The following ERBB4 variants were observed in gnomAD, a reference collection of about 807,000 sequenced individuals.
ERBB4 encodes erb-b2 receptor tyrosine kinase 4, also known as receptor tyrosine-protein kinase erbB-4.
ERBB4 carries 42 observed loss-of-function variants against 158.0 expected under a neutral mutation model. That is an observed-to-expected ratio of 0.27 (90% confidence interval 0.21 to 0.34). The LOEUF is 0.34. Ranked by LOEUF, ERBB4 falls within the 10% of genes least tolerant of loss-of-function variation. The probability of loss-of-function intolerance (pLI) is 1.00; values close to 1 mark genes in which losing one functional copy is unlikely to be tolerated. For missense variants in ERBB4, 1,333 were observed against 1,624.1 expected, an observed-to-expected ratio of 0.82 and a Z score of 3.08; for synonymous variants, 583 against 558.7, an observed-to-expected ratio of 1.04 and a Z score of -0.61.
chr2:211,576,938 G>A (rs1296022979), intron 19 of ERBB4, among the ~76,000 whole-genome samples: 1 of 151,994 alleles, frequency 6.6e-6, no homozygotes, highest in East Asian at 1.9e-4. Context: ...GAGGAGAAAG[G>A]GGTGTGGATG....
At chr2:212,275,596 G>A (rs981073388) in intron 1 of ERBB4, among the ~76,000 whole-genome samples, 8 of 151,734 alleles carry the variant, frequency 5.3e-5, no homozygotes, top group Non-Finnish European at 1.0e-4. Flanking sequence ...AAGAGAAGGA[G>A]AAATAAAATT....
chr2:211,880,193 A>G (rs2078624573), intron 3 of ERBB4, among the ~76,000 whole-genome samples: 1 of 152,090 alleles, frequency 6.6e-6, no homozygotes, highest in African/African-American at 2.4e-5. Context: ...CCTCTTTCCA[A>G]TTCTACCTAT....
At chr2:211,588,233 T>C (rs1479194851) in intron 19 of ERBB4, among the ~76,000 whole-genome samples, 1 of 152,180 alleles carries the variant, frequency 6.6e-6, no homozygotes, top group African/African-American at 2.4e-5. Flanking sequence ...TGGTTCATTC[T>C]GGAGGGATGT....
chr2:211,861,630 G>A (rs1266276121), intron 3 of ERBB4, among the ~76,000 whole-genome samples: 1 of 151,934 alleles, frequency 6.6e-6, no homozygotes. Flanking sequence ...TCTCTCACAG[G>A]TGATACATGC....
At chr2:212,521,314 T>C (rs1692147634) in intron 1 of ERBB4, among the ~76,000 whole-genome samples, 1 of 151,642 alleles carries the variant, frequency 6.6e-6, no homozygotes, top group African/African-American at 2.4e-5. Flanking sequence ...AAACAGAATA[T>C]GAAGAAAAAA....
At chr2:212,125,265 C>G in intron 1 of ERBB4, 1 of 189,330 alleles carries the variant, frequency 5.3e-6, no homozygotes, top group South Asian at 9.6e-5. Context: ...TTGGGTAATT[C>G]TACAAATGTA....
intron 3 of ERBB4, among the ~76,000 whole-genome samples, chr2:211,853,686 A>G (rs2077776505): frequency 6.6e-6 from 1 of 152,052 alleles, no homozygotes; most frequent in African/African-American, 2.4e-5. Flanking sequence ...CCTTATTCCA[A>G]AGCATACACA....
intron 3 of ERBB4, among the ~76,000 whole-genome samples, chr2:211,854,291 T>C (rs1292357321): frequency 1.4e-5 from 2 of 146,932 alleles, no homozygotes; most frequent in Non-Finnish European, 3.0e-5. Flanking sequence ...CATATTATCA[T>C]ATGTGTAGTT....
chr2:212,433,130 C>T lies in ERBB4; in HGVS notation c.82+105319G>A, dbSNP rs149548649. On this transcript the variant is annotated intron_variant, in intron 1 of 27. Transcript: ENST00000342788. Reference sequence around the variant, plus strand: ...TTACATATTATGCATTCTTAAAGCACAATATTTTAGAAATTTTATACTGCA... The same window carrying T: ...TTACATATTATGCATTCTTAAAGCATAATATTTTAGAAATTTTATACTGCA... 2.6e-5 allele frequency among the ~76,000 whole-genome samples: 4 copies of T among 152,098 alleles called. No homozygotes were observed. In the East Asian group the frequency reaches 7.7e-4, roughly 29 times the overall value.
At chr2:211,486,324 TACC>T (rs2125559579) in intron 20 of ERBB4, among the ~76,000 whole-genome samples, 1 of 152,314 alleles carries the variant, frequency 6.6e-6, no homozygotes, top group Admixed American at 6.5e-5. Flanking sequence ...TATTAATTTT[TACC>T]ACTTTTTTGT....
intron 1 of ERBB4, among the ~76,000 whole-genome samples, chr2:212,414,819 C>T (rs983979983): frequency 6.6e-6 from 1 of 152,182 alleles, no homozygotes; most frequent in Non-Finnish European, 1.5e-5. Context: ...AACTCACAGT[C>T]TGTGACCAGA....
chr2:211,950,474 C>T (rs1388754401), intron 2 of ERBB4, among the ~76,000 whole-genome samples: 2 of 152,126 alleles, frequency 1.3e-5, no homozygotes, highest in Non-Finnish European at 2.9e-5. Context: ...AAAGATATAT[C>T]TGTCAAAATG....
chr2:211,566,269 G>A (rs1003058539), intron 19 of ERBB4, among the ~76,000 whole-genome samples: 8 of 152,140 alleles, frequency 5.3e-5, no homozygotes, highest in Admixed American at 3.3e-4. Flanking sequence ...CCTCTCCAAT[G>A]GCTCAGAGAG....
intron 1 of ERBB4, among the ~76,000 whole-genome samples, chr2:212,246,448 T>C (rs1195460280): frequency 6.6e-6 from 1 of 152,218 alleles, no homozygotes; most frequent in African/African-American, 2.4e-5. Context: ...TTCCATTTAT[T>C]TATTCAACAA....
intron 3 of ERBB4, among the ~76,000 whole-genome samples, chr2:211,848,372 A>T (rs1320488089): frequency 6.6e-6 from 1 of 152,078 alleles, no homozygotes; most frequent in African/African-American, 2.4e-5. Context: ...AGACTTCTTT[A>T]TATGGAAATT....
intron 22 of ERBB4, among the ~76,000 whole-genome samples, chr2:211,427,086 C>T (rs539565907): frequency 6.6e-6 from 1 of 152,012 alleles, no homozygotes; most frequent in Admixed American, 6.5e-5. Context: ...AAAATTTTAC[C>T]ACCTCCTATG....
At position 212,480,486 on chromosome 2, in the gene ERBB4, G is replaced by C. The variant is rs138689078; in HGVS notation, c.82+57963C>G. 1.2e-3 allele frequency among the ~76,000 whole-genome samples: 190 copies of C among 152,318 alleles called. 1 individual carries two copies. Among genetic ancestry groups the C allele is most frequent in the African/African-American group, 4.3e-3 (178 of 41,572 alleles). On this transcript the variant is annotated intron_variant, in intron 1 of 27. Coordinates refer to ENST00000342788, the MANE Select transcript of ERBB4 (RefSeq NM_005235.3). ...TAAAACTTCTAAGGATAGCTTGATA[G>C]TATTTTCCTTGAGTCTTGAAATAAG... is the stretch of plus-strand genomic sequence containing the variant.
At chr2:211,891,640 C>G (rs1214142252) in intron 3 of ERBB4, among the ~76,000 whole-genome samples, 1 of 108,142 alleles carries the variant, frequency 9.2e-6, no homozygotes, top group Non-Finnish European at 1.9e-5. Flanking sequence ...AAAGGATCAA[C>G]AAAATTGATA....
intron 2 of ERBB4, among the ~76,000 whole-genome samples, chr2:212,034,524 A>G (rs2076971299): frequency 6.6e-6 from 1 of 151,888 alleles, no homozygotes; most frequent in Admixed American, 6.6e-5. Flanking sequence ...TGATCCGTAC[A>G]ATAATTTTAC....
Sources: allele counts gnomAD v4.1 joint callset (sites outside exome capture counted in the v4.1 genomes callset), GRCh38; gene constraint gnomAD v4.1.1; transcripts MANE v1.5; gene names NCBI Gene and HGNC (gene_info 2026-07-23, HGNC 2026-07-21).